NELL1: variants seen among roughly 807,000 people sequenced by gnomAD.
The protein encoded by NELL1 is neural EGFL like 1, also known as protein kinase C-binding protein NELL1.
A neutral mutation model predicts 107.4 loss-of-function variants in NELL1; 76 were observed. The observed-to-expected ratio is 0.71, with a 90% CI of 0.59 to 0.86. NELL1 has a LOEUF of 0.86. Among genes scored for constraint, NELL1 ranks in the 40% least tolerant of loss-of-function variants. The probability of loss-of-function intolerance (pLI) is 0.00; values close to 1 mark genes in which losing one functional copy is unlikely to be tolerated. For missense variants in NELL1, 1,024 were observed against 1,005.5 expected, an observed-to-expected ratio of 1.02 and a Z score of -0.25; for synonymous variants, 353 against 341.2, an observed-to-expected ratio of 1.03 and a Z score of -0.38.
intron 14 of NELL1, among the ~76,000 whole-genome samples, chr11:21,355,053 G>A (rs1220435504): frequency 6.6e-6 from 1 of 152,166 alleles, no homozygotes; most frequent in Non-Finnish European, 1.5e-5. Flanking sequence ...AGGTTTTACT[G>A]CAAAGATATA....
chr11:20,907,293 C>CA (rs1264100710), intron 5 of NELL1, among the ~76,000 whole-genome samples: 4 of 144,250 alleles, frequency 2.8e-5, no homozygotes, highest in Admixed American at 2.1e-4. Flanking sequence ...AAAACAAAAC[C>CA]AAAAAAAGGA....
intron 4 of NELL1, among the ~76,000 whole-genome samples, chr11:20,872,021 A>AAT (rs1849209720): frequency 6.8e-6 from 1 of 148,024 alleles, no homozygotes; most frequent in Non-Finnish European, 1.5e-5. Context: ...TCCGTCTCAA[A>AAT]AAAAAAAAAA....
In NELL1 at chr11:21,217,745, G is replaced by T. The variant is rs1314306422; in HGVS notation, c.1427-11587G>T. The stretch of plus-strand genomic sequence containing the variant: ...TACAATTTTTTAAGATATGTAAAAG[G>T]TTACTTTGAACAAAATAAAGCCACA... On this transcript the variant is annotated intron_variant, in intron 13 of 19. Coordinates refer to ENST00000357134, the MANE Select transcript of NELL1 (RefSeq NM_006157.5). Among the ~76,000 whole-genome samples the T allele has an allele frequency of 6.6e-5, 10 of 152,202 alleles. No homozygotes were observed. In the South Asian group the frequency reaches 1.0e-3, roughly 16 times the overall value.
chr11:21,266,759 C>A (rs765773493), intron 14 of NELL1, among the ~76,000 whole-genome samples: 1 of 151,988 alleles, frequency 6.6e-6, no homozygotes, highest in Non-Finnish European at 1.5e-5. Flanking sequence ...TACAGGATCA[C>A]GATCAGTTAT....
At chr11:21,328,417 A>T (rs1316208389) in intron 14 of NELL1, among the ~76,000 whole-genome samples, 1 of 152,154 alleles carries the variant, frequency 6.6e-6, no homozygotes, top group Non-Finnish European at 1.5e-5. Flanking sequence ...ATTTCAGAGG[A>T]TGTATGGAAA....
At chr11:21,112,852 A>G (rs1042137579) in intron 12 of NELL1, among the ~76,000 whole-genome samples, 5 of 152,026 alleles carry the variant, frequency 3.3e-5, no homozygotes, top group African/African-American at 1.2e-4. Flanking sequence ...CAGTCTGAGT[A>G]AAAGGAACAT....
At chr11:21,004,760 G>A (rs1232218295) in intron 12 of NELL1, among the ~76,000 whole-genome samples, 1 of 152,078 alleles carries the variant, frequency 6.6e-6, no homozygotes, top group Non-Finnish European at 1.5e-5. Flanking sequence ...TAAAATTAGA[G>A]TGGCAGCATA....
rs535936967 is a variant in NELL1, at chr11:21,134,264, A to G, written c.1426+20550A>G. 2.6e-5 allele frequency among the ~76,000 whole-genome samples: 4 copies of G among 152,274 alleles called. No individual in the cohort carries two copies. In the East Asian group the frequency reaches 7.7e-4, roughly 29 times the overall value. On this transcript the variant is annotated intron_variant, in intron 13 of 19. Coordinates refer to ENST00000357134, the MANE Select transcript of NELL1 (RefSeq NM_006157.5). The stretch of plus-strand genomic sequence containing the variant: ...GCACTCAGGCTAGGATGACCAAAGA[A>G]AGCTTCTTTGAGTTGGTATCTCTGG...
chr11:20,801,461 A>G (rs925725852), intron 3 of NELL1, among the ~76,000 whole-genome samples: 3 of 152,178 alleles, frequency 2.0e-5, no homozygotes, highest in Non-Finnish European at 4.4e-5. Flanking sequence ...AGCTCCTTAC[A>G]TATTCTGGTT....
chr11:21,513,134 A>G (rs1473316918), intron 15 of NELL1, among the ~76,000 whole-genome samples: 1 of 152,154 alleles, frequency 6.6e-6, no homozygotes, highest in Non-Finnish European at 1.5e-5. Flanking sequence ...GTACTTGTCA[A>G]TGCCAATCAG....
intron 2 of NELL1, among the ~76,000 whole-genome samples, chr11:20,736,175 A>G (rs913218464): frequency 1.3e-5 from 2 of 152,130 alleles, no homozygotes; most frequent in African/African-American, 2.4e-5. Flanking sequence ...TGAAGGTTTG[A>G]GTGAGAGAAG....
intron 13 of NELL1, among the ~76,000 whole-genome samples, chr11:21,172,918 C>CTGTG (rs1286563242): frequency 8.0e-6 from 1 of 125,244 alleles, no homozygotes; most frequent in African/African-American, 3.1e-5. Context: ...AGGTGTGTGT[C>CTGTG]TGTCTGTGTG....
chr11:21,228,805 G>A (rs7119249), intron 13 of NELL1, among the ~76,000 whole-genome samples: 66,120 of 143,876 alleles, frequency 0.46, 15,636 homozygotes, highest in Middle Eastern at 0.52. Flanking sequence ...TTCCAATTGT[G>A]GATGTTTTTC....
At chr11:21,539,354 C>T (rs911731182) in intron 16 of NELL1, among the ~76,000 whole-genome samples, 4 of 152,066 alleles carry the variant, frequency 2.6e-5, no homozygotes, top group Non-Finnish European at 5.9e-5. Context: ...CAGTAAATGG[C>T]TCATTGTACC....
At chr11:21,529,813 G>A (rs1459981268) in intron 15 of NELL1, among the ~76,000 whole-genome samples, 1 of 152,000 alleles carries the variant, frequency 6.6e-6, no homozygotes, top group African/African-American at 2.4e-5. Context: ...TCCAGACTGT[G>A]CTTAAGAGTC....
intron 12 of NELL1, among the ~76,000 whole-genome samples, chr11:21,009,957 TACG>T (rs1852411160): frequency 1.4e-5 from 1 of 69,562 alleles, no homozygotes; most frequent in Non-Finnish European, 2.8e-5. Flanking sequence ...CACCCACTGT[TACG>T]GGCCCTGCCA....
rs144185987 is a variant in NELL1, at chr11:21,371,881, G to A, written c.1645+933G>A. Among the ~76,000 whole-genome samples the A allele has an allele frequency of 4.1e-4, 63 of 152,064 alleles. No homozygotes were observed. The East Asian group carries it at 0.01, about 25-fold the overall frequency. On this transcript the variant is annotated intron_variant, in intron 15 of 19. Coordinates refer to ENST00000357134, the MANE Select transcript of NELL1 (RefSeq NM_006157.5). ...TGTTTCCTTTCCTTCATGTTTAGAA[G>A]CTTCTGAATTTAGATAACATTTTTT...
chr11:21,113,590 T>A lies in NELL1; in HGVS notation c.1302T>A (p.Asp434Glu). ...TCTTACTTATTTTTTTTCCTTCAGA[T>A]ATTGATGAGTGTGCAGCTAAGATGC... Reference protein sequence around the residue: ...SVQGDSAYCEDIDECAAKMHY... With the variant: ...SVQGDSAYCEEIDECAAKMHY... Residue 434 changes from aspartate to glutamate, a missense_variant and splice_region_variant, in exon 13 of 20, where the codon GAT becomes GAA. Coordinates refer to ENST00000357134, the MANE Select transcript of NELL1 (RefSeq NM_006157.5). 1 of 1,610,158 alleles carries A rather than the reference T, an allele frequency of 6.2e-7. No individual in the cohort carries two copies. Among genetic ancestry groups the A allele is most frequent in the South Asian group, 1.1e-5 (1 of 90,426 alleles).
intron 2 of NELL1, among the ~76,000 whole-genome samples, chr11:20,710,401 A>T (rs1044125126): frequency 6.6e-6 from 1 of 152,158 alleles, no homozygotes; most frequent in Non-Finnish European, 1.5e-5. Context: ...GAAACCCACT[A>T]GAACATGGTG....
Sources: allele counts gnomAD v4.1 joint callset (sites outside exome capture counted in the v4.1 genomes callset), GRCh38; gene constraint gnomAD v4.1.1; transcripts MANE v1.5; gene names NCBI Gene and HGNC (gene_info 2026-07-23, HGNC 2026-07-21).